KDM5B: variants seen among roughly 807,000 people sequenced by gnomAD.
KDM5B encodes lysine demethylase 5B, also known as lysine-specific demethylase 5B.
A neutral mutation model predicts 193.4 loss-of-function variants in KDM5B; 144 were observed. The ratio of observed to expected loss-of-function variants is 0.74; its 90% CI spans 0.65 to 0.86. The LOEUF is 0.86. Ranked by LOEUF, KDM5B falls within the 40% of genes least tolerant of loss-of-function variation. The pLI, the probability that KDM5B is intolerant of heterozygous loss-of-function variation, is 0.00. For missense variants in KDM5B, 1,833 were observed against 1,886.9 expected (o/e 0.97, Z 0.53); for synonymous variants, 668 against 682.6 (o/e 0.98, Z 0.33).
At chr1:202,755,192 A>T in intron 11 of KDM5B, 79 bp downstream of exon 11, 2 of 1,072,476 alleles carry the variant, frequency 1.9e-6, no homozygotes, top group Non-Finnish European at 2.8e-6. Context: ...AGACACAGTT[A>T]AGACACATCT....
chr1:202,756,977 A>G (rs1656036480), intron 9 of KDM5B, among the ~76,000 whole-genome samples: 2 of 152,260 alleles, frequency 1.3e-5, no homozygotes, highest in Admixed American at 1.3e-4. Context: ...CAACCAACAC[A>G]AAAAACACAG....
chr1:202,732,505 C>A (rs1317465928), intron 23 of KDM5B, among the ~76,000 whole-genome samples: 1 of 152,134 alleles, frequency 6.6e-6, no homozygotes, highest in East Asian at 1.9e-4. Flanking sequence ...GGAGTGTGCA[C>A]AAATGCCACA....
intron 1 of KDM5B, among the ~76,000 whole-genome samples, chr1:202,782,010 AAT>A (rs1657218330): frequency 3.5e-5 from 1 of 28,604 alleles, no homozygotes; most frequent in African/African-American, 5.1e-5. Flanking sequence ...ATATATACAC[AAT>A]ATACTTATTT....
rs200120633 is a variant in KDM5B at position 202,753,666 on chromosome 1, T to TG, written c.1539-600_1539-599insC. Among the ~76,000 whole-genome samples, 100 of 106,906 alleles carry TG rather than the reference T, an allele frequency of 9.4e-4. 7 individuals are homozygous for TG. The highest frequency in any genetic ancestry group is 1.6e-3 in the East Asian group (5 of 3,038). 70.1% of individuals were successfully genotyped at this position (106,906 alleles called of 152,430 possible). A position where few individuals can be genotyped will look rare whatever the true frequency, so the allele number is the denominator to read the frequency against. On this transcript the variant is annotated intron_variant, in intron 11 of 26. Transcript: ENST00000367265. ...AGAATTTCTCTTTTGTTGTTGTTGT[T>TG]TTTTTTTTGTTTTTTTTTTTTGAGA...
intron 14 of KDM5B, among the ~76,000 whole-genome samples, chr1:202,747,077 G>A (rs903516251): frequency 2.0e-5 from 3 of 152,098 alleles, no homozygotes; most frequent in African/African-American, 7.2e-5. Flanking sequence ...ATCCAGCCTT[G>A]AGAATGCCAG....
intron 14 of KDM5B, among the ~76,000 whole-genome samples, chr1:202,747,331 T>A (rs1348841755): frequency 6.6e-6 from 1 of 152,164 alleles, no homozygotes. Context: ...TGAGAATCAA[T>A]CATGTAGTTC....
chr1:202,773,040 G>C (rs999802617), intron 4 of KDM5B, 78 bp downstream of exon 4: 17 of 1,087,722 alleles, frequency 1.6e-5, no homozygotes, highest in Non-Finnish European at 2.0e-5. Context: ...CACAATCAAG[G>C]CTTTTTCATT....
At chr1:202,739,618 G>GCGGCCTT (rs1377170341) in intron 20 of KDM5B, among the ~76,000 whole-genome samples, 10 of 152,112 alleles carry the variant, frequency 6.6e-5, no homozygotes, top group African/African-American at 2.4e-4. Flanking sequence ...AGAGGACCCT[G>GCGGCCTT]CGGCCTTCGG....
chr1:202,807,685 G>C (rs1243664920), intron 1 of KDM5B, among the ~76,000 whole-genome samples: 3 of 126,180 alleles, frequency 2.4e-5, no homozygotes, highest in African/African-American at 9.0e-5. Context: ...CGCACCCCGG[G>C]AGCGGAGGCG....
At position 202,760,469 on chromosome 1, in the gene KDM5B, T is replaced by C. The variant is rs1346264883; in HGVS notation, c.1023A>G (p.Pro341=). ...DDSYHTFCLI[P]PLHDVPKGDW... is the part of the protein sequence containing the mutation. Reference sequence around the variant, plus strand: ...CTCCCTTGGGAACATCATGGAGAGGTGGGATCAAGCAAAAGGTATGGTAAC... The same window carrying C: ...CTCCCTTGGGAACATCATGGAGAGGCGGGATCAAGCAAAAGGTATGGTAAC... Residue 341 remains proline, a synonymous_variant, in exon 8 of 27, where the codon CCA becomes CCG. Transcript: ENST00000367265. 3.7e-6 allele frequency: 6 copies of C among 1,613,072 alleles called. No individual in the cohort carries two copies. The Admixed American group carries it at 8.3e-5, about 22-fold the overall frequency.
intron 4 of KDM5B, 64 bp downstream of exon 4, chr1:202,773,054 C>A: frequency 8.4e-7 from 1 of 1,193,194 alleles, no homozygotes. Flanking sequence ...TTTCATTTCC[C>A]TGAAAAGACA....
intron 1 of KDM5B, among the ~76,000 whole-genome samples, chr1:202,778,734 T>C (rs1657067124): frequency 6.6e-6 from 1 of 152,184 alleles, no homozygotes; most frequent in Non-Finnish European, 1.5e-5. Context: ...GTGATTCTCC[T>C]GCCTCAGCCT....
chr1:202,773,872 G>A (rs1025031684), intron 3 of KDM5B, among the ~76,000 whole-genome samples: 1 of 151,948 alleles, frequency 6.6e-6, no homozygotes. Flanking sequence ...CGAGTAGCTG[G>A]GATTACAGGC....
intron 1 of KDM5B, among the ~76,000 whole-genome samples, chr1:202,788,622 ATTTC>A (rs1435869780): frequency 6.6e-6 from 1 of 152,136 alleles, no homozygotes. Flanking sequence ...GGAAAGCATT[ATTTC>A]TTTCATGTCA....
At chr1:202,746,394 G>T in intron 14 of KDM5B, 71 bp from the exon 15 acceptor site, 17 of 829,214 alleles carry the variant, frequency 2.1e-5, no homozygotes, top group South Asian at 2.8e-5. Flanking sequence ...CAAACATGCA[G>T]TAGTACTTGA....
intron 1 of KDM5B, among the ~76,000 whole-genome samples, chr1:202,785,765 C>T (rs906217940): frequency 6.6e-6 from 1 of 152,040 alleles, no homozygotes; most frequent in African/African-American, 2.4e-5. Context: ...CAAAAGTTAG[C>T]TCGGTGTGGT....
In KDM5B at chr1:202,778,969, G is replaced by C. The variant is rs560216685; in HGVS notation, c.205-1875C>G. Among the ~76,000 whole-genome samples the C allele has an allele frequency of 3.5e-4, 54 of 152,236 alleles. 2 individuals carry two copies. In the South Asian group the frequency reaches 0.01, roughly 29 times the overall value. On this transcript the variant is annotated intron_variant, in intron 1 of 26. Transcript: ENST00000367265. ...GGAAGATTTTCCCTATATATGTTAAGGGGTCGGGGGGCGGAACAGGCTTTA... is the reference window on the plus strand; with the variant it reads ...GGAAGATTTTCCCTATATATGTTAACGGGTCGGGGGGCGGAACAGGCTTTA...
intron 4 of KDM5B, among the ~76,000 whole-genome samples, chr1:202,769,097 C>T (rs1167646840): frequency 1.4e-5 from 2 of 142,878 alleles, no homozygotes; most frequent in African/African-American, 5.2e-5. Flanking sequence ...AGTGCAGTGG[C>T]GCCATCTTGG....
chr1:202,807,588 G>A (rs1270090249), intron 1 of KDM5B, among the ~76,000 whole-genome samples: 1 of 152,004 alleles, frequency 6.6e-6, no homozygotes, highest in African/African-American at 2.4e-5. Context: ...CAAAGGACCA[G>A]GGGCTCCCGC....
Sources: gnomAD v4.1 joint callset for allele counts (sites outside exome capture counted in the v4.1 genomes callset) on GRCh38, gnomAD v4.1.1 for gene constraint, MANE v1.5 for transcripts, NCBI Gene and HGNC (gene_info 2026-07-23, HGNC 2026-07-21) for gene names.